Variants in SYN1 observed in about 807,000 individuals in gnomAD.
The protein encoded by SYN1 is synapsin I.
In SYN1, 8 loss-of-function variants were observed where a neutral mutation model predicts 44.6. The observed-to-expected ratio is 0.18, with a 90% CI of 0.11 to 0.32. The LOEUF is 0.32. Ranked by LOEUF, SYN1 falls within the 10% of genes least tolerant of loss-of-function variation. The pLI, the probability that SYN1 is intolerant of heterozygous loss-of-function variation, is 1.00. For missense variants in SYN1, 451 were observed against 639.4 expected (o/e 0.71, Z 3.18); for synonymous variants, 275 against 280.1 (o/e 0.98, Z 0.18).
At chrX:47,578,799 T>C (rs2147914549) in intron 5 of SYN1, among the ~76,000 whole-genome samples, 1 of 111,272 alleles carries the variant, frequency 9.0e-6, no homozygotes, top group African/African-American at 3.3e-5. Context: ...GGGGCGGTGG[T>C]GGTTCCCAGT....
intron 5 of SYN1, chrX:47,587,464 A>G (rs1460221919): frequency 8.9e-6 from 1 of 112,961 alleles, no homozygotes; most frequent in Non-Finnish European, 1.9e-5. Flanking sequence ...TATGAGCTAA[A>G]AATCCCCAAG....
intron 5 of SYN1, among the ~76,000 whole-genome samples, chrX:47,604,058 C>T (rs1417700032): frequency 9.2e-6 from 1 of 108,722 alleles, no homozygotes; most frequent in Non-Finnish European, 1.9e-5. Context: ...CAGGCATGCA[C>T]CACCACGCCG....
chrX:47,606,541 T>C (rs1290431244), intron 3 of SYN1, among the ~76,000 whole-genome samples: 1 of 108,192 alleles, frequency 9.2e-6, no homozygotes, highest in African/African-American at 3.4e-5. Flanking sequence ...CTGGGCAACA[T>C]AGTGAGGACC....
At chrX:47,594,273 T>C (rs2057857183) in intron 5 of SYN1, among the ~76,000 whole-genome samples, 1 of 108,676 alleles carries the variant, frequency 9.2e-6, no homozygotes, top group African/African-American at 3.4e-5. Flanking sequence ...GGCTCACGTC[T>C]GTAATCCCAG....
At chrX:47,613,993 C>T (rs1180220271) in intron 1 of SYN1, among the ~76,000 whole-genome samples, 1 of 112,155 alleles carries the variant, frequency 8.9e-6, no homozygotes, top group African/African-American at 3.2e-5. Context: ...AATTGTGCTT[C>T]CTGTTCCCTC....
intron 5 of SYN1, among the ~76,000 whole-genome samples, chrX:47,581,813 G>T (rs2057799382): frequency 9.0e-6 from 1 of 111,467 alleles, no homozygotes; most frequent in African/African-American, 3.3e-5. Flanking sequence ...CCTGGCTTTG[G>T]CTCCTGGCCA....
intron 1 of SYN1, among the ~76,000 whole-genome samples, chrX:47,617,146 A>G (rs1298704063): frequency 9.0e-6 from 1 of 111,595 alleles, no homozygotes; most frequent in Non-Finnish European, 1.9e-5. Context: ...AGGATGCAAT[A>G]AATATCTGCA....
intron 1 of SYN1, among the ~76,000 whole-genome samples, chrX:47,609,445 G>A (rs193009544): frequency 6.9e-4 from 78 of 112,299 alleles, no homozygotes; most frequent in Non-Finnish European, 1.3e-3. Context: ...AGGCCCCTAA[G>A]GCAACTACAT....
intron 5 of SYN1, among the ~76,000 whole-genome samples, chrX:47,603,780 G>A (rs370292758): frequency 3.7e-5 from 4 of 109,240 alleles, no homozygotes; most frequent in Admixed American, 2.9e-4. Flanking sequence ...TATTAGTAAT[G>A]ATTATTCAAT....
chrX:47,608,376 GTGCCTGTGTATA>G (rs2057906509), intron 1 of SYN1, among the ~76,000 whole-genome samples: 1 of 111,932 alleles, frequency 8.9e-6, no homozygotes, highest in Admixed American at 9.4e-5. Flanking sequence ...GTATTTTTTA[GTGCCTGTGTATA>G]TGTCAGTGCC....
At chrX:47,576,752 A>G (rs1242026270) in intron 6 of SYN1, 112 bp from the exon 7 acceptor site, 18 of 1,016,646 alleles carry the variant, frequency 1.8e-5, no homozygotes, top group Non-Finnish European at 2.5e-5. Context: ...GAGTACACAA[A>G]AATTAGGTGG....
chrX:47,576,271 C>A (rs751149325), intron 8 of SYN1, 38 bp from the exon 9 acceptor site: 19 of 1,202,251 alleles, frequency 1.6e-5, no homozygotes, highest in Non-Finnish European at 2.1e-5. Flanking sequence ...GTCAGTCTCT[C>A]ACCTGAGCTG....
intron 5 of SYN1, among the ~76,000 whole-genome samples, chrX:47,592,473 T>C: frequency 8.9e-6 from 1 of 111,869 alleles, no homozygotes; most frequent in Admixed American, 9.5e-5. Flanking sequence ...GTTTTCCTAG[T>C]TTTTCTTGCA....
intron 1 of SYN1, among the ~76,000 whole-genome samples, chrX:47,611,916 A>C (rs182796151): frequency 6.8e-4 from 76 of 111,897 alleles, no homozygotes; most frequent in African/African-American, 2.2e-3. Flanking sequence ...AGGAAAGCAC[A>C]ATACCTAGGA....
chrX:47,610,486 C>T (rs970326217), intron 1 of SYN1, among the ~76,000 whole-genome samples: 6 of 103,846 alleles, frequency 5.8e-5, no homozygotes, highest in African/African-American at 2.1e-4. Context: ...CTCCTGGAAA[C>T]CAGACCAAAA....
At chrX:47,573,372 T>C (rs1483152204) in intron 12 of SYN1, among the ~76,000 whole-genome samples, 4 of 111,075 alleles carry the variant, frequency 3.6e-5, no homozygotes, top group Non-Finnish European at 7.6e-5. Flanking sequence ...GGGTGAGGTG[T>C]CTAGGAGGGC....
chrX:47,604,934 T>A (rs777792696), intron 5 of SYN1, 44 bp downstream of exon 5: 1 of 1,074,748 alleles, frequency 9.3e-7, no homozygotes, highest in Non-Finnish European at 1.3e-6. Context: ...ATTGCAGTAG[T>A]TATGACTCTT....
At position 47,584,992 on chromosome X, in the gene SYN1, C is replaced by T. The variant is rs769724738; in HGVS notation, c.775-7491G>A. ...AGTCAACCAGACCACCTTATACCAG[C>T]GTTATGAGATCAAGATGACCAAGGT... On this transcript the variant is annotated intron_variant, in intron 5 of 12. Transcript: ENST00000295987. 147 of 1,208,950 alleles carry T rather than the reference C, an allele frequency of 1.2e-4. 1 individual carries two copies. The highest frequency in any genetic ancestry group is 1.4e-4 in the Non-Finnish European group (128 of 894,877).
Position 47,619,404 on chromosome X carries a change from C to A in SYN1, c.325G>T (p.Gly109Trp). 7 of 1,188,976 alleles carry A rather than the reference C, an allele frequency of 5.9e-6. No homozygotes were observed. The highest frequency in any genetic ancestry group is 7.9e-6 in the Non-Finnish European group (7 of 889,324). ...VGGGSGGAGR[G>W]GAASRVLLVI... Reference sequence around the variant, plus strand: ...AGCAGCACCCTGGAGGCGGCTCCCCCGCGGCCTGCGCCCCCAGAGCCGCCG... The same window carrying A: ...AGCAGCACCCTGGAGGCGGCTCCCCAGCGGCCTGCGCCCCCAGAGCCGCCG... Residue 109 changes from glycine to tryptophan, a missense_variant, in exon 1 of 13, where the codon GGG becomes TGG. Physicochemically the swap from Gly to Trp is radical, Grantham distance 184. This residue lies in a region of SYN1 where 315 missense variants were observed against 451.4 expected (regional missense o/e 0.70). Transcript: ENST00000295987.
Sources: gnomAD v4.1 joint callset for allele counts (sites outside exome capture counted in the v4.1 genomes callset) on GRCh38, gnomAD v4.1.1 for gene constraint, gnomAD v4.1.1 regional missense constraint, MANE v1.5 for transcripts, NCBI Gene and HGNC (gene_info 2026-07-23, HGNC 2026-07-21) for gene names.